ZFPM2: variants seen among roughly 807,000 people sequenced by gnomAD.
ZFPM2 encodes the protein zinc finger protein ZFPM2.
A neutral mutation model predicts 98.6 loss-of-function variants in ZFPM2; 20 were observed. The observed-to-expected ratio is 0.20, with a 90% CI of 0.14 to 0.29. The LOEUF (loss-of-function observed/expected upper bound fraction) is 0.29, where lower values mean the gene tolerates loss of function less well. Among genes scored for constraint, ZFPM2 ranks in the 10% least tolerant of loss-of-function variants. ZFPM2 has a pLI of 1.00. For missense variants in ZFPM2, 1,310 were observed against 1,388.6 expected (o/e 0.94, Z 0.90); for synonymous variants, 518 against 502.7 (o/e 1.03, Z -0.41).
intron 3 of ZFPM2, among the ~76,000 whole-genome samples, chr8:105,522,281 C>T (rs1216895762): frequency 6.6e-6 from 1 of 152,114 alleles, no homozygotes; most frequent in Non-Finnish European, 1.5e-5. Context: ...TATATACAGG[C>T]ATTACTTATA....
chr8:105,750,492 A>G (rs1812451227), intron 5 of ZFPM2, among the ~76,000 whole-genome samples: 1 of 152,074 alleles, frequency 6.6e-6, no homozygotes, highest in South Asian at 2.1e-4. Flanking sequence ...TTCAAGGAAA[A>G]TGAAATTAGA....
chr8:105,585,723 A>G (rs927233078), intron 4 of ZFPM2, among the ~76,000 whole-genome samples: 1 of 152,100 alleles, frequency 6.6e-6, no homozygotes, highest in African/African-American at 2.4e-5. Flanking sequence ...GTATAGTAAT[A>G]TAGTACCTAA....
chr8:105,496,945 G>T (rs1813480529), intron 3 of ZFPM2, among the ~76,000 whole-genome samples: 1 of 120,116 alleles, frequency 8.3e-6, no homozygotes, highest in Non-Finnish European at 1.6e-5. Flanking sequence ...TCTCGCCACT[G>T]CACTCCAGCC....
At chr8:105,507,044 T>G (rs1231814568) in intron 3 of ZFPM2, among the ~76,000 whole-genome samples, 2 of 149,710 alleles carry the variant, frequency 1.3e-5, no homozygotes, top group Non-Finnish European at 3.0e-5. Context: ...TAATAAGAGA[T>G]AATTTTGGAA....
chr8:105,380,616 T>A lies in ZFPM2; in HGVS notation c.41-38528T>A, dbSNP rs13273378. ...TATATATATATTATATATATATATA[T>A]TATATATAACATATATATTATATAT... is the stretch of plus-strand genomic sequence containing the variant. On this transcript the variant is annotated intron_variant, in intron 1 of 7. Transcript: ENST00000407775. 5.7e-4 allele frequency among the ~76,000 whole-genome samples: 32 copies of A among 56,454 alleles called. No homozygotes were observed. The South Asian group carries it at 0.013, about 23-fold the overall frequency. The allele number at this position is 56,454 out of a possible 152,430, so 37.0% of individuals were successfully genotyped here.
At chr8:105,528,080 T>C (rs975224650) in intron 3 of ZFPM2, among the ~76,000 whole-genome samples, 2 of 152,116 alleles carry the variant, frequency 1.3e-5, no homozygotes, top group Non-Finnish European at 1.5e-5. Flanking sequence ...AAATAAAACA[T>C]AGTTTGCAGA....
chr8:105,527,848 A>T (rs1244532953), intron 3 of ZFPM2, among the ~76,000 whole-genome samples: 1 of 152,200 alleles, frequency 6.6e-6, no homozygotes, highest in South Asian at 2.1e-4. Flanking sequence ...TTATGGAAGC[A>T]TTAGAATTAT....
chr8:105,418,562 CAATT>C (rs1396788295), intron 1 of ZFPM2: 1 of 515,820 alleles, frequency 1.9e-6, no homozygotes, highest in Non-Finnish European at 3.9e-6. Context: ...AGAAAAAATT[CAATT>C]AATTATGAAT....
intron 5 of ZFPM2, among the ~76,000 whole-genome samples, chr8:105,637,388 G>A (rs965022759): frequency 2.0e-5 from 3 of 152,018 alleles, no homozygotes; most frequent in Non-Finnish European, 4.4e-5. Context: ...TAAAGAAAAA[G>A]CCCCATGACC....
intron 4 of ZFPM2, among the ~76,000 whole-genome samples, chr8:105,590,976 T>G (rs777766089): frequency 1.3e-5 from 2 of 152,204 alleles, no homozygotes; most frequent in Non-Finnish European, 2.9e-5. Context: ...TAATGTAAGG[T>G]TATTATAAGT....
chr8:105,476,555 T>C (rs1813016405), intron 3 of ZFPM2, among the ~76,000 whole-genome samples: 1 of 152,160 alleles, frequency 6.6e-6, no homozygotes, highest in South Asian at 2.1e-4. Context: ...CTGTCTTCTG[T>C]CATAGCACTT....
intron 4 of ZFPM2, among the ~76,000 whole-genome samples, chr8:105,622,414 CTGAT>C (rs1816570627): frequency 6.6e-6 from 1 of 151,964 alleles, no homozygotes; most frequent in Admixed American, 6.6e-5. Context: ...CAAAATCTAC[CTGAT>C]TAAGAAATTA....
intron 5 of ZFPM2, chr8:105,782,271 G>A (rs1273732649): frequency 2.0e-5 from 3 of 152,208 alleles, no homozygotes; most frequent in African/African-American, 7.2e-5. Flanking sequence ...ACAACTGGAT[G>A]ATGATAAATA....
chr8:105,673,437 A>G (rs1049161866), intron 5 of ZFPM2, among the ~76,000 whole-genome samples: 6 of 152,116 alleles, frequency 3.9e-5, no homozygotes, highest in African/African-American at 7.2e-5. Context: ...TGCCTATCAC[A>G]TAAAATTCTG....
chr8:105,490,964 G>T (rs1291108748), intron 3 of ZFPM2, among the ~76,000 whole-genome samples: 2 of 151,936 alleles, frequency 1.3e-5, no homozygotes, highest in African/African-American at 4.8e-5. Context: ...AATTTTAAAA[G>T]GTCATCTTTA....
Position 105,789,090 on chromosome 8 carries a change from T to C in ZFPM2, c.739+166T>C, listed in dbSNP as rs534610209. 5.1e-4 allele frequency: 157 copies of C among 309,770 alleles called. 2 individuals are homozygous for C. The South Asian group carries it at 0.011, about 22-fold the overall frequency. 19.2% of individuals were successfully genotyped at this position (309,770 alleles called of 1,614,324 possible). A position where few individuals can be genotyped will look rare whatever the true frequency, so the allele number is the denominator to read the frequency against. On this transcript the variant is annotated intron_variant, in intron 6 of 7. Coordinates refer to ENST00000407775, the MANE Select transcript of ZFPM2 (RefSeq NM_012082.4). Reference sequence around the variant, plus strand: ...ATTTAATTTGAGAAAATGATGTTACTTTTTTTTTTTATACTTTAAGTTTTA... The same window carrying C: ...ATTTAATTTGAGAAAATGATGTTACCTTTTTTTTTTATACTTTAAGTTTTA...
chr8:105,487,883 AGTCT>A (rs138344579), intron 3 of ZFPM2, among the ~76,000 whole-genome samples: 2 of 147,808 alleles, frequency 1.4e-5, no homozygotes, highest in African/African-American at 2.5e-5. Context: ...AACCCTATAA[AGTCT>A]GTCTGTCTAT....
chr8:105,383,233 G>T (rs188105041), intron 1 of ZFPM2, among the ~76,000 whole-genome samples: 1 of 152,078 alleles, frequency 6.6e-6, no homozygotes, highest in Admixed American at 6.6e-5. Flanking sequence ...ATTAGCATAC[G>T]TTTTCCCCAG....
At chr8:105,496,256 C>T (rs529558702) in intron 3 of ZFPM2, among the ~76,000 whole-genome samples, 149 of 152,224 alleles carry the variant, frequency 9.8e-4, no homozygotes, top group Non-Finnish European at 1.8e-3. Flanking sequence ...AAGCAATTCC[C>T]GTGCCTTGGC....
Sources: allele counts gnomAD v4.1 joint callset (sites outside exome capture counted in the v4.1 genomes callset), GRCh38; gene constraint gnomAD v4.1.1; transcripts MANE v1.5; gene names NCBI Gene and HGNC (gene_info 2026-07-23, HGNC 2026-07-21).